The following CRAMP1 variants were observed in gnomAD, a reference collection of about 807,000 sequenced individuals.
CRAMP1 encodes cramped chromatin regulator 1, also known as protein cramped-like.
CRAMP1 carries 50 observed loss-of-function variants against 115.4 expected under a neutral mutation model. That is an observed-to-expected ratio of 0.43 (90% CI 0.35 to 0.55). The LOEUF (loss-of-function observed/expected upper bound fraction) is 0.55. Ranked by LOEUF, CRAMP1 falls within the 20% of genes least tolerant of loss-of-function variation. The pLI, the probability that CRAMP1 is intolerant of heterozygous loss-of-function variation, is 0.01. For missense variants in CRAMP1, 1,679 were observed against 1,721.7 expected (o/e 0.98, Z 0.44); for synonymous variants, 866 against 745.4 (o/e 1.16, Z -2.64).
chr16:1,617,502 G>A (rs1475454404), intron 2 of CRAMP1, among the ~76,000 whole-genome samples: 2 of 152,260 alleles, frequency 1.3e-5, no homozygotes, highest in Non-Finnish European at 2.9e-5. Context: ...ATCTGGAGTG[G>A]TGAGCATCTG....
rs1253689163 is a variant in CRAMP1, at chr16:1,677,146, G to C, written c.*3101G>C. The C allele has an allele frequency of 6.6e-6, 1 of 152,626 alleles. No homozygotes were observed. The highest frequency in any genetic ancestry group is 6.5e-5 in the Admixed American group (1 of 15,276). The allele number at this position is 152,626 out of a possible 1,614,324, so 9.5% of individuals were successfully genotyped here. On this transcript the variant is annotated 3_prime_UTR_variant, in exon 21 of 21. Coordinates refer to ENST00000397412, the MANE Select transcript of CRAMP1 (RefSeq NM_020825.4). ...CAGGAAATACAGCACTTTGTCTTAA[G>C]AAAACAAGGAAGGAGGCCGGGCGCA...
chr16:1,664,937 G>T, intron 13 of CRAMP1, 120 bp from the exon 14 acceptor site: 1 of 717,902 alleles, frequency 1.4e-6, no homozygotes, highest in South Asian at 1.6e-5. Context: ...CATCGGCTCT[G>T]GAAAAAGCCC....
At position 1,662,833 on chromosome 16, in the gene CRAMP1, C is replaced by T; in HGVS notation, c.2668C>T (p.Gln890Ter). ...GCACCTGCGGAAGCCACTGGTGGTCCAGGTCAGGGTCTTCTCAAGTCTGAA... is the reference window on the plus strand; with the variant it reads ...GCACCTGCGGAAGCCACTGGTGGTCTAGGTCAGGGTCTTCTCAAGTCTGAA... ...NRHLRKPLVV[Q>*]RTLLPRPSEN... The change falls in exon 13 of 21, where the codon CAG (glutamine) becomes TAG (stop). Residue 890 changes from glutamine (Q) to a stop codon, truncating the protein, a stop_gained and splice_region_variant. Coordinates refer to ENST00000397412, the MANE Select transcript of CRAMP1 (RefSeq NM_020825.4). LOFTEE classifies it high-confidence loss of function. The T allele has an allele frequency of 6.2e-7, 1 of 1,613,380 alleles. No homozygotes were observed. Among genetic ancestry groups the T allele is most frequent in the Non-Finnish European group, 8.5e-7 (1 of 1,179,618 alleles).
Position 1,659,995 on chromosome 16 carries a change from G to C in CRAMP1, c.2345G>C (p.Cys782Ser). 3 of 1,605,508 alleles carry C rather than the reference G, an allele frequency of 1.9e-6. No homozygotes were observed. The highest frequency in any genetic ancestry group is 2.5e-6 in the Non-Finnish European group (3 of 1,179,724). ...ACCGTCAGCTCTCGCAGCCCCCGCT[G>C]CCCTCGGAACCAGGCCTCCCTCCGC... ...VVTVSSRSPRCPRNQASLRSS... is the reference protein window; with the variant it reads ...VVTVSSRSPRSPRNQASLRSS... The change falls in exon 11 of 21, where the codon TGC becomes TCC. Residue 782 changes from cysteine (C) to serine (S), a missense_variant. Physicochemically the swap from Cys to Ser is moderately radical, Grantham distance 112. This residue lies in a region of CRAMP1 where 709 missense variants were observed against 741.9 expected (regional missense o/e 0.96). Transcript: ENST00000397412.
intron 13 of CRAMP1, among the ~76,000 whole-genome samples, chr16:1,664,640 G>A (rs762759342): frequency 3.9e-5 from 6 of 152,178 alleles, no homozygotes; most frequent in Non-Finnish European, 7.3e-5. Context: ...CTAGCTGGGC[G>A]TGATGGCGAG....
At chr16:1,659,685 C>CCGACCA (rs1297092498) in intron 10 of CRAMP1, among the ~76,000 whole-genome samples, 3 of 152,222 alleles carry the variant, frequency 2.0e-5, no homozygotes, top group Admixed American at 2.0e-4. Flanking sequence ...CCGCACCTGG[C>CCGACCA]CGACCAGTAA....
chr16:1,652,056 C>T (rs1282956334), intron 6 of CRAMP1, among the ~76,000 whole-genome samples: 4 of 152,024 alleles, frequency 2.6e-5, no homozygotes, highest in Non-Finnish European at 5.9e-5. Flanking sequence ...TGAGAGGTCA[C>T]GGAGAGGTAG....
intron 11 of CRAMP1, 136 bp downstream of exon 11, chr16:1,660,199 G>A (rs577429422): frequency 5.6e-6 from 4 of 711,154 alleles, no homozygotes; most frequent in African/African-American, 1.8e-5. Context: ...CTATCCAGAT[G>A]ACAGGGTGAA....
rs769410929 is a variant in CRAMP1, at chr16:1,656,333, A to G, written c.1576A>G (p.Thr526Ala). The G allele has an allele frequency of 6.2e-7, 1 of 1,609,780 alleles. No individual in the cohort carries two copies. The highest frequency in any genetic ancestry group is 8.5e-7 in the Non-Finnish European group (1 of 1,178,660). Residue 526 changes from threonine (T) to alanine (A), a missense_variant, in exon 10 of 21, where the codon ACC (threonine) becomes GCC (alanine). Coordinates refer to ENST00000397412, the MANE Select transcript of CRAMP1 (RefSeq NM_020825.4). This position sits in a 1 kb window ranked among gnomAD's most constrained non-coding sequence, Gnocchi z 5.6. ...GGACACTGGGCCATGTCTTGAGAAG[A>G]CCCCTGCAGAAGGCAGGGACAGTCC... Reference protein sequence around the residue: ...HQDTGPCLEKTPAEGRDSPTR... With the variant: ...HQDTGPCLEKAPAEGRDSPTR...
intron 11 of CRAMP1, among the ~76,000 whole-genome samples, chr16:1,660,958 A>G (rs183340076): frequency 5.0e-4 from 76 of 152,288 alleles, no homozygotes; most frequent in Admixed American, 3.9e-3. Context: ...GCAATAAGCC[A>G]AGATCGCGCC....
chr16:1,654,933 C>A (rs1007541082), intron 8 of CRAMP1, among the ~76,000 whole-genome samples: 2 of 152,274 alleles, frequency 1.3e-5, no homozygotes, highest in Admixed American at 6.5e-5. Flanking sequence ...AGGCTGTGCG[C>A]CAGCACCCAC....
At chr16:1,623,294 C>T (rs957646028) in intron 2 of CRAMP1, among the ~76,000 whole-genome samples, 1 of 152,244 alleles carries the variant, frequency 6.6e-6, no homozygotes, top group Non-Finnish European at 1.5e-5. Context: ...TCACCAGCCT[C>T]ATCAGAGCTG....
intron 5 of CRAMP1, among the ~76,000 whole-genome samples, chr16:1,638,548 C>T (rs879138067): frequency 2.6e-5 from 4 of 152,186 alleles, no homozygotes; most frequent in African/African-American, 7.2e-5. Flanking sequence ...ATTTTTGACA[C>T]GACCTCTAGG....
chr16:1,652,602 C>G (rs759148260), intron 7 of CRAMP1, 21 bp downstream of exon 7: 3 of 1,548,050 alleles, frequency 1.9e-6, no homozygotes, highest in African/African-American at 1.4e-5. Context: ...GGGGCGCTCC[C>G]GGGACCAGAG....
rs2036884277 is a variant in CRAMP1 at position 1,667,337 on chromosome 16, C to T, written c.3039C>T (p.Gly1013=). 1.2e-6 allele frequency: 2 copies of T among 1,613,090 alleles called. No individual in the cohort carries two copies. Among genetic ancestry groups the T allele is most frequent in the Non-Finnish European group, 1.7e-6 (2 of 1,179,716 alleles). Reference sequence around the variant, plus strand: ...TCATGGGCGTGCTCTTCCTGCAGGGCTCCGACCCATTTGTCAGCATCCCTT... The same window carrying T: ...TCATGGGCGTGCTCTTCCTGCAGGGTTCCGACCCATTTGTCAGCATCCCTT... ...QDGDTLPTVG[G]SDPFVSIPSR... Residue 1013 remains glycine (G), a splice_region_variant and synonymous_variant, in exon 17 of 21, where the codon GGC becomes GGT. Transcript: ENST00000397412.
Position 1,666,271 on chromosome 16 carries a change from T to C in CRAMP1, c.2857+94T>C. The C allele has an allele frequency of 8.5e-7, 1 of 1,175,880 alleles. No homozygotes were observed. 72.8% of individuals were successfully genotyped at this position (1,175,880 alleles called of 1,614,324 possible). ...TTTGAATGTTTTCTTCTCCAAATCATAATGTCTCATTACCCTTCACCAAGA... is the reference window on the plus strand; with the variant it reads ...TTTGAATGTTTTCTTCTCCAAATCACAATGTCTCATTACCCTTCACCAAGA... On this transcript the variant is annotated intron_variant, in intron 15 of 20. Coordinates refer to ENST00000397412, the MANE Select transcript of CRAMP1 (RefSeq NM_020825.4). The surrounding 1 kb of genome is among the most constrained non-coding windows in gnomAD (Gnocchi z 5.0).
In CRAMP1 at chr16:1,612,468, C is replaced by A. The variant is rs572558136; in HGVS notation, c.-191C>A. The A allele has an allele frequency of 6.6e-6, 1 of 151,348 alleles. No homozygotes were observed. The highest frequency in any genetic ancestry group is 1.5e-5 in the Non-Finnish European group (1 of 67,716). The allele number at this position is 151,348 out of a possible 1,614,324, so 9.4% of individuals were successfully genotyped here. A position where few individuals can be genotyped will look rare whatever the true frequency, so the allele number is the denominator to read the frequency against. On this transcript the variant is annotated 5_prime_UTR_variant, in exon 1 of 21. Coordinates refer to ENST00000397412, the MANE Select transcript of CRAMP1 (RefSeq NM_020825.4). The stretch of plus-strand genomic sequence containing the variant: ...CGTCCGCAGCCCCCGCAGCCGCGCG[C>A]CGGCCCGCGGAGGGGACGTGCCGGG...
intron 5 of CRAMP1, among the ~76,000 whole-genome samples, chr16:1,640,037 C>A (rs2036619251): frequency 6.6e-6 from 1 of 152,184 alleles, no homozygotes; most frequent in Non-Finnish European, 1.5e-5. Flanking sequence ...CATGCCATGC[C>A]TGGCCGGTTT....
intron 2 of CRAMP1, among the ~76,000 whole-genome samples, chr16:1,622,772 T>C (rs1479435614): frequency 2.7e-5 from 4 of 148,598 alleles, no homozygotes; most frequent in African/African-American, 9.9e-5. Flanking sequence ...TTTTTTTTTT[T>C]CTTTTTTGAG....
Sources: gnomAD v4.1 joint callset for allele counts (sites outside exome capture counted in the v4.1 genomes callset) on GRCh38, gnomAD v4.1.1 for gene constraint, gnomAD v4.1.1 regional missense constraint, Gnocchi (gnomAD v3.1) non-coding constraint, MANE v1.5 for transcripts, NCBI Gene and HGNC (gene_info 2026-07-23, HGNC 2026-07-21) for gene names.